Variants in CRY2 observed in about 807,000 individuals in gnomAD.
CRY2 encodes the protein cryptochrome circadian regulator 2.
CRY2 carries 31 observed loss-of-function variants against 69.5 expected under a neutral mutation model. That is an observed-to-expected ratio of 0.45 (90% CI 0.34 to 0.60). The LOEUF is 0.60. Among genes scored for constraint, CRY2 ranks in the 20% least tolerant of loss-of-function variants. The probability of loss-of-function intolerance (pLI) is 0.02; values close to 1 mark genes in which losing one functional copy is unlikely to be tolerated. For synonymous variants in CRY2, 303 were observed against 312.2 expected (o/e 0.97, Z 0.31); for missense variants, 606 against 797.8 (o/e 0.76, Z 2.90).
chr11:45,865,242 T>C (rs900369351), intron 5 of CRY2, among the ~76,000 whole-genome samples: 2 of 152,124 alleles, frequency 1.3e-5, no homozygotes, highest in Non-Finnish European at 2.9e-5. Context: ...GTGTTTATTA[T>C]AAAAGCTGAG....
At chr11:45,872,462 C>T (rs1282572689) in intron 11 of CRY2, among the ~76,000 whole-genome samples, 1 of 151,968 alleles carries the variant, frequency 6.6e-6, no homozygotes, top group Non-Finnish European at 1.5e-5. Context: ...ACCATTGGGC[C>T]GGCTATGGTG....
At chr11:45,869,874 G>C in intron 7 of CRY2, 57 bp downstream of exon 7, 1 of 1,546,442 alleles carries the variant, frequency 6.5e-7, no homozygotes, top group Non-Finnish European at 8.7e-7. Context: ...CCCGTCAAAG[G>C]GCAGCCCCCT....
In CRY2 at chr11:45,868,599, G is replaced by A. The variant is rs547071574; in HGVS notation, c.882+847G>A. Reference sequence around the variant, plus strand: ...CTCCCACAGTGCTGGGATTACAGCCGTGAGCCACCATGCCTAGCCGTTGTG... The same window carrying A: ...CTCCCACAGTGCTGGGATTACAGCCATGAGCCACCATGCCTAGCCGTTGTG... On this transcript the variant is annotated intron_variant, in intron 6 of 11. Coordinates refer to ENST00000616080, the MANE Select transcript of CRY2 (RefSeq NM_021117.5). 5.0e-4 allele frequency among the ~76,000 whole-genome samples: 76 copies of A among 152,016 alleles called. 1 individual carries two copies. In the South Asian group the frequency reaches 0.015, roughly 30 times the overall value.
intron 11 of CRY2, among the ~76,000 whole-genome samples, chr11:45,875,466 A>G (rs2086418097): frequency 6.6e-6 from 1 of 152,196 alleles, no homozygotes; most frequent in Non-Finnish European, 1.5e-5. Flanking sequence ...GGGGAGAGAA[A>G]GTCAGCTGAG....
chr11:45,868,639 T>G (rs1385961965), intron 6 of CRY2, among the ~76,000 whole-genome samples: 1 of 152,094 alleles, frequency 6.6e-6, no homozygotes, highest in Non-Finnish European at 1.5e-5. Flanking sequence ...CATTTGTTTT[T>G]TTGTTTGTTT....
intron 2 of CRY2, among the ~76,000 whole-genome samples, chr11:45,856,493 A>T (rs2086240007): frequency 6.6e-6 from 1 of 152,148 alleles, no homozygotes; most frequent in Admixed American, 6.5e-5. Flanking sequence ...TGCTCTGCTT[A>T]TTGGGAAAAG....
At chr11:45,865,889 G>T (rs1282845707) in intron 5 of CRY2, among the ~76,000 whole-genome samples, 1 of 152,216 alleles carries the variant, frequency 6.6e-6, no homozygotes, top group African/African-American at 2.4e-5. Flanking sequence ...ACATTACTCT[G>T]GTCCCAGCGT....
chr11:45,874,204 C>T (rs897605614), intron 11 of CRY2, among the ~76,000 whole-genome samples: 7 of 151,698 alleles, frequency 4.6e-5, no homozygotes, highest in South Asian at 2.1e-4. Context: ...CACTTGAACC[C>T]GGGAGGCAGA....
intron 11 of CRY2, among the ~76,000 whole-genome samples, chr11:45,880,377 C>T (rs772275029): frequency 1.3e-5 from 2 of 152,116 alleles, no homozygotes; most frequent in South Asian, 2.1e-4. Flanking sequence ...CCTTGTGTCT[C>T]CTCTCTCCCT....
At position 45,870,976 on chromosome 11, in the gene CRY2, G is replaced by A. The variant is rs373743041; in HGVS notation, c.1642+42G>A. On this transcript the variant is annotated intron_variant, in intron 10 of 11. Coordinates refer to ENST00000616080, the MANE Select transcript of CRY2 (RefSeq NM_021117.5). Reference sequence around the variant, plus strand: ...AACCTCCTGTGGCCTCCTGTGGCCTGTGCCACCACTTCAGTCATTCAGGAC... The same window carrying A: ...AACCTCCTGTGGCCTCCTGTGGCCTATGCCACCACTTCAGTCATTCAGGAC... 4.4e-4 allele frequency: 671 copies of A among 1,511,524 alleles called. 3 individuals carry two copies. The highest frequency in any genetic ancestry group is 8.9e-5 in the Non-Finnish European group (98 of 1,102,642). The allele number at this position is 1,511,524 out of a possible 1,614,324, so 93.6% of individuals were successfully genotyped here.
At chr11:45,867,866 G>GA in intron 6 of CRY2, 114 bp downstream of exon 6, 2 of 1,386,692 alleles carry the variant, frequency 1.4e-6, no homozygotes, top group Non-Finnish European at 9.9e-7. Flanking sequence ...ATGGCCCCTG[G>GA]AAGGGCCTAA....
intron 11 of CRY2, among the ~76,000 whole-genome samples, chr11:45,878,875 C>T (rs559421141): frequency 1.4e-4 from 20 of 141,448 alleles, no homozygotes; most frequent in Non-Finnish European, 1.8e-4. Flanking sequence ...GCCAAGATCG[C>T]GCCACTGCAC....
Position 45,882,811 on chromosome 11 carries a change from A to G in CRY2, c.*1900A>G, listed in dbSNP as rs1393346834. 1 of 398,298 alleles carries G rather than the reference A, an allele frequency of 2.5e-6. No homozygotes were observed. The highest frequency in any genetic ancestry group is 4.4e-6 in the Non-Finnish European group (1 of 226,054). 24.7% of individuals were successfully genotyped at this position (398,298 alleles called of 1,614,324 possible). ...AGGCCCAGATTTAGTATTCACTAGCAGCGCCTTCGGGTAGCAGGATGATTC... is the reference window on the plus strand; with the variant it reads ...AGGCCCAGATTTAGTATTCACTAGCGGCGCCTTCGGGTAGCAGGATGATTC... On this transcript the variant is annotated 3_prime_UTR_variant, in exon 12 of 12. Transcript: ENST00000616080.
rs2134657891 is a variant in CRY2 at position 45,882,783 on chromosome 11, C to T, written c.*1872C>T. ...AATCTGAGAGTGGGAAGGCCAAAGGCCGAGGCCCAGATTTAGTATTCACTA... is the reference window on the plus strand; with the variant it reads ...AATCTGAGAGTGGGAAGGCCAAAGGTCGAGGCCCAGATTTAGTATTCACTA... On this transcript the variant is annotated 3_prime_UTR_variant, in exon 12 of 12. Coordinates refer to ENST00000616080, the MANE Select transcript of CRY2 (RefSeq NM_021117.5). The T allele has an allele frequency of 2.5e-6, 1 of 398,616 alleles. No individual in the cohort carries two copies. Among genetic ancestry groups the T allele is most frequent in the East Asian group, 3.6e-5 (1 of 28,078 alleles). 24.7% of individuals were successfully genotyped at this position (398,616 alleles called of 1,614,324 possible).
At chr11:45,867,360 C>T (rs944522518) in intron 5 of CRY2, 12 of 485,242 alleles carry the variant, frequency 2.5e-5, no homozygotes, top group African/African-American at 1.7e-4. Context: ...TTAATAGATA[C>T]GTAGCTGAGG....
At chr11:45,877,414 C>G (rs774572160) in intron 11 of CRY2, among the ~76,000 whole-genome samples, 2 of 152,218 alleles carry the variant, frequency 1.3e-5, no homozygotes, top group South Asian at 2.1e-4. Flanking sequence ...TGCCTGCACA[C>G]GTGCATCCAC....
intron 7 of CRY2, 40 bp from the exon 8 acceptor site, chr11:45,870,013 C>T: frequency 6.4e-7 from 1 of 1,551,036 alleles, no homozygotes; most frequent in Non-Finnish European, 8.7e-7. Flanking sequence ...AACATGGCTG[C>T]ATGTCCCCAA....
intron 2 of CRY2, among the ~76,000 whole-genome samples, chr11:45,856,744 C>T (rs867743954): frequency 6.7e-6 from 1 of 150,108 alleles, no homozygotes; most frequent in Admixed American, 6.7e-5. Flanking sequence ...TTCAGTGAGC[C>T]GAGATTGTGC....
Position 45,847,604 on chromosome 11 carries a change from G to A in CRY2, c.114G>A (p.Pro38=), listed in dbSNP as rs927181588. Residue 38 remains proline (P), a synonymous_variant, in exon 1 of 12, where the codon CCG becomes CCA. Coordinates refer to ENST00000616080, the MANE Select transcript of CRY2 (RefSeq NM_021117.5). The part of the protein sequence containing the change: ...FRKGLRLHDN[P]ALLAAVRGAR... ...AAGGGCTGCGACTCCACGACAACCC[G>A]GCGTTGCTGGCGGCCGTGCGCGGGG... The A allele has an allele frequency of 1.9e-6, 3 of 1,605,754 alleles. No individual in the cohort carries two copies. Among genetic ancestry groups the A allele is most frequent in the Non-Finnish European group, 2.5e-6 (3 of 1,177,070 alleles).
Sources: allele counts gnomAD v4.1 joint callset (sites outside exome capture counted in the v4.1 genomes callset), GRCh38; gene constraint gnomAD v4.1.1; transcripts MANE v1.5; gene names NCBI Gene and HGNC (gene_info 2026-07-23, HGNC 2026-07-21).